The following PCDH17 variants were observed in gnomAD, a reference collection of about 807,000 sequenced individuals.
PCDH17 encodes protocadherin-17.
A neutral mutation model predicts 67.7 loss-of-function variants in PCDH17; 21 were observed. The ratio of observed to expected loss-of-function variants is 0.31; its 90% CI spans 0.22 to 0.45. PCDH17 has a LOEUF of 0.45. PCDH17 is among the 20% of genes least tolerant of loss of function. The pLI is 1.00. For synonymous variants in PCDH17, 701 were observed against 656.7 expected, an observed-to-expected ratio of 1.07 and a Z score of -1.03; for missense variants, 1,471 against 1,564.8, an observed-to-expected ratio of 0.94 and a Z score of 1.01.
At chr13:57,715,538 A>T (rs1199875141) in intron 3 of PCDH17, among the ~76,000 whole-genome samples, 1 of 151,876 alleles carries the variant, frequency 6.6e-6, no homozygotes, top group Non-Finnish European at 1.5e-5. Context: ...ATATAATTCA[A>T]TGGGAAAATT....
intron 1 of PCDH17, 26 bp from the exon 2 acceptor site, chr13:57,666,442 C>T (rs199840483): frequency 3.2e-5 from 50 of 1,577,682 alleles, no homozygotes; most frequent in Admixed American, 1.7e-5. Context: ...TACAACTATA[C>T]GTATTTTTTT....
intron 3 of PCDH17, among the ~76,000 whole-genome samples, chr13:57,705,183 T>C (rs897538172): frequency 6.6e-6 from 1 of 151,992 alleles, no homozygotes; most frequent in African/African-American, 2.4e-5. Flanking sequence ...ATGCCTTTGC[T>C]AATAACCCAT....
Position 57,634,286 on chromosome 13 carries a change from G to T in PCDH17, c.1740G>T (p.Ala580=). ...RVTVLDVNDN[A]PVIVLPTLQN... is the part of the protein sequence containing the mutation. ...CAGTGCTAGACGTGAATGACAACGC[G>T]CCAGTGATCGTGCTCCCCACGCTGC... is the stretch of plus-strand genomic sequence containing the variant. The change falls in exon 1 of 4, where the codon GCG becomes GCT. Residue 580 remains alanine, a synonymous_variant. Coordinates refer to ENST00000377918, the MANE Select transcript of PCDH17 (RefSeq NM_001040429.3). This position sits in a 1 kb window ranked among gnomAD's most constrained non-coding sequence, Gnocchi z 7.8. 1 of 1,613,136 alleles carries T rather than the reference G, an allele frequency of 6.2e-7. No individual in the cohort carries two copies. The highest frequency in any genetic ancestry group is 1.1e-5 in the South Asian group (1 of 91,086).
chr13:57,716,175 A>T (rs1027448277), intron 3 of PCDH17, among the ~76,000 whole-genome samples: 1 of 151,992 alleles, frequency 6.6e-6, no homozygotes, highest in African/African-American at 2.4e-5. Flanking sequence ...AGCTCATCCC[A>T]ATTCTATAGT....
At chr13:57,682,470 A>C (rs1463304677) in intron 3 of PCDH17, among the ~76,000 whole-genome samples, 1 of 151,804 alleles carries the variant, frequency 6.6e-6, no homozygotes, top group Non-Finnish European at 1.5e-5. Flanking sequence ...ATTACAATGC[A>C]CAACACTTCC....
At chr13:57,680,425 G>A (rs1248573992) in intron 3 of PCDH17, among the ~76,000 whole-genome samples, 2 of 151,458 alleles carry the variant, frequency 1.3e-5, no homozygotes, top group Admixed American at 6.6e-5. Flanking sequence ...TGGAGTGTAG[G>A]GTTATCATGG....
intron 3 of PCDH17, among the ~76,000 whole-genome samples, chr13:57,688,650 T>A: frequency 6.6e-6 from 1 of 152,098 alleles, no homozygotes; most frequent in Non-Finnish European, 1.5e-5. Flanking sequence ...CTTGACTGTA[T>A]CATCAAATGC....
intron 1 of PCDH17, among the ~76,000 whole-genome samples, chr13:57,640,856 A>G (rs1954882659): frequency 6.6e-6 from 1 of 152,064 alleles, no homozygotes; most frequent in South Asian, 2.1e-4. Flanking sequence ...AAGTCTTGCA[A>G]TACACTCAAT....
intron 1 of PCDH17, among the ~76,000 whole-genome samples, chr13:57,662,893 T>G (rs1459755118): frequency 6.6e-6 from 1 of 152,092 alleles, no homozygotes; most frequent in Admixed American, 6.6e-5. Context: ...TTCCTGTTTA[T>G]TTTCTCCACA....
At chr13:57,689,222 A>T (rs929493021) in intron 3 of PCDH17, among the ~76,000 whole-genome samples, 7 of 152,060 alleles carry the variant, frequency 4.6e-5, no homozygotes, top group Non-Finnish European at 8.8e-5. Context: ...TTAGGGGAAT[A>T]TGTCATTCTA....
chr13:57,677,627 A>G (rs1360630002), intron 3 of PCDH17, among the ~76,000 whole-genome samples: 7 of 151,908 alleles, frequency 4.6e-5, no homozygotes, highest in Non-Finnish European at 1.0e-4. Flanking sequence ...ACATAGTCAC[A>G]GTGGCCGAAG....
chr13:57,647,924 C>T (rs1299009816), intron 1 of PCDH17, among the ~76,000 whole-genome samples: 2 of 151,740 alleles, frequency 1.3e-5, no homozygotes, highest in African/African-American at 2.4e-5. Context: ...TGCAAGTCAG[C>T]GTAAGCTAAT....
chr13:57,712,430 T>C (rs1355316734), intron 3 of PCDH17, among the ~76,000 whole-genome samples: 1 of 151,750 alleles, frequency 6.6e-6, no homozygotes. Flanking sequence ...TACTGCTATT[T>C]TCCTAAGCAT....
chr13:57,632,334 A>G lies in PCDH17; in HGVS notation c.-213A>G, dbSNP rs1356699726. On this transcript the variant is annotated 5_prime_UTR_variant, in exon 1 of 4. Coordinates refer to ENST00000377918, the MANE Select transcript of PCDH17 (RefSeq NM_001040429.3). ...TCTGCTGCACCGCAGCTTCTCACCCAGTGCGGATGCTGTAGATCAACAGGT... is the reference window on the plus strand; with the variant it reads ...TCTGCTGCACCGCAGCTTCTCACCCGGTGCGGATGCTGTAGATCAACAGGT... 3.7e-5 allele frequency: 22 copies of G among 591,854 alleles called. No homozygotes were observed. Among genetic ancestry groups the G allele is most frequent in the Non-Finnish European group, 6.0e-6 (2 of 335,934 alleles). The allele number at this position is 591,854 out of a possible 1,614,324, so 36.7% of individuals were successfully genotyped here.
intron 1 of PCDH17, among the ~76,000 whole-genome samples, chr13:57,639,238 C>A (rs977393604): frequency 6.6e-6 from 1 of 151,732 alleles, no homozygotes; most frequent in East Asian, 1.9e-4. Context: ...ACAATAATTA[C>A]ATATTTCTTT....
intron 3 of PCDH17, among the ~76,000 whole-genome samples, chr13:57,706,127 A>G (rs1955719079): frequency 1.3e-5 from 2 of 152,178 alleles, no homozygotes; most frequent in African/African-American, 4.8e-5. Flanking sequence ...AACTGAAAAA[A>G]AAGCAAAAAT....
At chr13:57,717,767 A>G (rs1442716035) in intron 3 of PCDH17, among the ~76,000 whole-genome samples, 2 of 152,100 alleles carry the variant, frequency 1.3e-5, no homozygotes, top group African/African-American at 2.4e-5. Flanking sequence ...AAAAGCAGAT[A>G]GAATAGCACT....
chr13:57,706,751 C>T (rs7328666), intron 3 of PCDH17, among the ~76,000 whole-genome samples: 53,221 of 151,914 alleles, frequency 0.35, 10,288 homozygotes, highest in Middle Eastern at 0.54. Flanking sequence ...TCCTCAGTAA[C>T]TCCATCTCTA....
chr13:57,716,477 C>T (rs991141098), intron 3 of PCDH17, among the ~76,000 whole-genome samples: 3 of 151,812 alleles, frequency 2.0e-5, no homozygotes, highest in Non-Finnish European at 4.4e-5. Flanking sequence ...TTTCTTAATC[C>T]TTTACCTGGA....
Sources: allele counts gnomAD v4.1 joint callset (sites outside exome capture counted in the v4.1 genomes callset), GRCh38; gene constraint gnomAD v4.1.1; non-coding constraint Gnocchi (gnomAD v3.1); transcripts MANE v1.5; gene names NCBI Gene and HGNC (gene_info 2026-07-23, HGNC 2026-07-21).